The following ABCB7 variants were observed in gnomAD, a reference collection of about 807,000 sequenced individuals.
ABCB7 encodes iron-sulfur clusters transporter ABCB7, mitochondrial.
A neutral mutation model predicts 54.4 loss-of-function variants in ABCB7; 7 were observed. The observed-to-expected ratio is 0.13, with a 90% CI of 0.07 to 0.24. The LOEUF (loss-of-function observed/expected upper bound fraction) is 0.24, where lower values mean the gene tolerates loss of function less well. Among genes scored for constraint, ABCB7 ranks in the 10% least tolerant of loss-of-function variants. The pLI is 1.00. For synonymous variants in ABCB7, 218 were observed against 207.1 expected, an observed-to-expected ratio of 1.05 and a Z score of -0.45; for missense variants, 356 against 570.4, an observed-to-expected ratio of 0.62 and a Z score of 3.83.
At chrX:75,083,289 A>T (rs2081470935) in intron 4 of ABCB7, among the ~76,000 whole-genome samples, 1 of 111,167 alleles carries the variant, frequency 9.0e-6, no homozygotes, top group Admixed American at 9.6e-5. Context: ...TCTAGTTGTG[A>T]CCTATAAAAA....
At chrX:75,059,894 G>T (rs1337642719) in intron 15 of ABCB7, among the ~76,000 whole-genome samples, 1 of 111,791 alleles carries the variant, frequency 8.9e-6, no homozygotes, top group South Asian at 3.7e-4. Flanking sequence ...ATACAGCAAA[G>T]ACACCAAGCA....
intron 4 of ABCB7, among the ~76,000 whole-genome samples, chrX:75,080,273 A>C (rs1212913415): frequency 9.0e-6 from 1 of 111,036 alleles, no homozygotes; most frequent in Admixed American, 9.5e-5. Flanking sequence ...CTTACTAAGA[A>C]ACTGCCACAC....
At chrX:75,092,466 A>G (rs1298655021) in intron 4 of ABCB7, among the ~76,000 whole-genome samples, 5 of 111,834 alleles carry the variant, frequency 4.5e-5, no homozygotes, top group Non-Finnish European at 5.7e-5. Flanking sequence ...AGATGAAACT[A>G]TAAATCATCT....
chrX:75,116,300 G>A (rs920905264), intron 1 of ABCB7, among the ~76,000 whole-genome samples: 5 of 110,264 alleles, frequency 4.5e-5, no homozygotes, highest in Non-Finnish European at 7.6e-5. Context: ...CCTGGAAGTC[G>A]CACCACCCCA....
At chrX:75,127,148 G>A (rs759657472) in intron 1 of ABCB7, among the ~76,000 whole-genome samples, 123 of 111,245 alleles carry the variant, frequency 1.1e-3, no homozygotes, top group African/African-American at 3.8e-3. Flanking sequence ...ACAAGGATGC[G>A]AAAATCCTCC....
chrX:75,105,970 CT>C lies in ABCB7; in HGVS notation c.334-6910del, dbSNP rs776614687. Among the ~76,000 whole-genome samples the C allele has an allele frequency of 2.7e-5, 3 of 111,165 alleles. No individual in the cohort carries two copies. In the South Asian group the frequency reaches 1.1e-3, roughly 42 times the overall value. On this transcript the variant is annotated intron_variant, in intron 3 of 15. Transcript: ENST00000373394. ...AATGACACTGGACCCATATCTCTCA[CT>C]AAAAACAAAAATTAACTAAGATCTA...
At chrX:75,104,151 T>C (rs1023337064) in intron 3 of ABCB7, among the ~76,000 whole-genome samples, 5 of 99,842 alleles carry the variant, frequency 5.0e-5, no homozygotes, top group Non-Finnish European at 8.1e-5. Flanking sequence ...ATATATGGCA[T>C]TTATTATGTT....
intron 15 of ABCB7, among the ~76,000 whole-genome samples, chrX:75,059,734 G>T (rs1010155370): frequency 1.8e-5 from 2 of 111,314 alleles, no homozygotes; most frequent in Admixed American, 1.9e-4. Flanking sequence ...CCTTAGAAGA[G>T]ATAAAGCAGG....
intron 15 of ABCB7, among the ~76,000 whole-genome samples, chrX:75,054,602 T>C (rs1043507628): frequency 1.8e-5 from 2 of 110,679 alleles, no homozygotes; most frequent in Non-Finnish European, 3.8e-5. Flanking sequence ...TTGCTTAGTT[T>C]TCTGTGTCAC....
rs750750137 is a variant in ABCB7, at chrX:75,099,032, T to C, written c.363A>G (p.Ile121Met). 8.3e-7 allele frequency: 1 copy of C among 1,210,743 alleles called. No homozygotes were observed. Among genetic ancestry groups the C allele is most frequent in the South Asian group, 1.8e-5 (1 of 56,986 alleles). ...GLKDVDTRKI[I>M]KAMLSYVWPK... The stretch of plus-strand genomic sequence containing the variant: ...GCCACACATAAGAAAGCATTGCTTT[T>C]ATGATTTTCCGAGTATCAACATCTT... The change falls in exon 4 of 16, where the codon ATA becomes ATG. Residue 121 changes from isoleucine (I) to methionine (M), a missense_variant. Physicochemically the swap from Ile to Met is conservative, Grantham distance 10 (BLOSUM62 1). Coordinates refer to ENST00000373394, the MANE Select transcript of ABCB7 (RefSeq NM_001271696.3).
chrX:75,091,371 A>G (rs2081542708), intron 4 of ABCB7, among the ~76,000 whole-genome samples: 1 of 111,183 alleles, frequency 9.0e-6, no homozygotes, highest in African/African-American at 3.3e-5. Context: ...CAGATGAAAA[A>G]AAATCATTTA....
intron 6 of ABCB7, among the ~76,000 whole-genome samples, chrX:75,074,871 A>G (rs890367150): frequency 9.0e-6 from 1 of 111,179 alleles, no homozygotes; most frequent in South Asian, 3.8e-4. Context: ...AAGGCAAAAA[A>G]CTACCTATTA....
chrX:75,155,778 T>C (rs773267676), intron 1 of ABCB7, among the ~76,000 whole-genome samples: 41 of 111,070 alleles, frequency 3.7e-4, no homozygotes, highest in African/African-American at 1.3e-3. Flanking sequence ...AATCCAGTCT[T>C]CCTCGTCTTT....
Position 75,114,839 on chromosome X carries a change from C to G in ABCB7, c.169-8G>C. 8.4e-7 allele frequency: 1 copy of G among 1,188,821 alleles called. No individual in the cohort carries two copies. The highest frequency in any genetic ancestry group is 1.1e-6 in the Non-Finnish European group (1 of 879,722). On this transcript the variant is annotated splice_polypyrimidine_tract_variant and splice_region_variant and intron_variant, in intron 1 of 15. Transcript: ENST00000373394. ...TTTTAATGACTCTGGAATCTGCTGA[C>G]AAGGAAAAAAAGTAGGGGGAAGTTT...
At chrX:75,140,636 A>C (rs1308749897) in intron 1 of ABCB7, among the ~76,000 whole-genome samples, 1 of 111,139 alleles carries the variant, frequency 9.0e-6, no homozygotes, top group Non-Finnish European at 1.9e-5. Context: ...TGATATGACC[A>C]TTTATCTACT....
intron 5 of ABCB7, among the ~76,000 whole-genome samples, chrX:75,076,301 T>C (rs2081408522): frequency 8.9e-6 from 1 of 112,732 alleles, no homozygotes; most frequent in African/African-American, 3.2e-5. Flanking sequence ...TTTATATTAT[T>C]GTTTTCTAGA....
At position 75,094,042 on chromosome X, in the gene ABCB7, A is replaced by ATATC. The variant is rs1555949332; in HGVS notation, c.453+4899_453+4900insGATA. On this transcript the variant is annotated intron_variant, in intron 4 of 15. Coordinates refer to ENST00000373394, the MANE Select transcript of ABCB7 (RefSeq NM_001271696.3). ...TACATATATATATATATATATATAT[A>ATATC]TATATATATATCTATCTTATTATTT... Among the ~76,000 whole-genome samples the ATATC allele has an allele frequency of 2.3e-4, 5 of 21,897 alleles. 1 individual carries two copies. Among genetic ancestry groups the ATATC allele is most frequent in the East Asian group, 9.1e-4 (2 of 2,191 alleles). The allele number at this position is 21,897 out of a possible 115,157, so 19.0% of individuals were successfully genotyped here.
chrX:75,091,675 G>GAAA (rs61662732), intron 4 of ABCB7, among the ~76,000 whole-genome samples: 106 of 101,300 alleles, frequency 1.0e-3, no homozygotes, highest in African/African-American at 3.7e-3. Flanking sequence ...CAGAAAATCT[G>GAAA]AAAAAAAAAA....
intron 1 of ABCB7, among the ~76,000 whole-genome samples, chrX:75,143,798 G>A (rs1024437713): frequency 1.8e-5 from 2 of 110,377 alleles, no homozygotes; most frequent in Admixed American, 9.7e-5. Flanking sequence ...TCACTATCAC[G>A]AGAACAGCAC....
Sources: gnomAD v4.1 joint callset for allele counts (sites outside exome capture counted in the v4.1 genomes callset) on GRCh38, gnomAD v4.1.1 for gene constraint, MANE v1.5 for transcripts, NCBI Gene and HGNC (gene_info 2026-07-23, HGNC 2026-07-21) for gene names.